CFAP54: variants seen among roughly 807,000 people sequenced by gnomAD.
The protein encoded by CFAP54 is cilia and flagella associated protein 54, also known as cilia- and flagella-associated protein 54.
Under a neutral mutation model 370.4 loss-of-function variants are expected in CFAP54, and 290 were observed. The ratio of observed to expected loss-of-function variants is 0.78; its 90% CI spans 0.71 to 0.86. The LOEUF is 0.86. Among genes scored for constraint, CFAP54 ranks in the 40% least tolerant of loss-of-function variants. The pLI is 0.00. For missense variants in CFAP54, 3,399 were observed against 3,528.7 expected (o/e 0.96, Z 0.93); for synonymous variants, 1,206 against 1,236.5 (o/e 0.98, Z 0.52).
chr12:96,716,880 A>T (rs1214819570), intron 48 of CFAP54, among the ~76,000 whole-genome samples: 1 of 152,180 alleles, frequency 6.6e-6, no homozygotes, highest in Non-Finnish European at 1.5e-5. Context: ...AGTGAACATG[A>T]TTAGTCTGAA....
At chr12:96,741,455 G>A (rs551392372) in intron 51 of CFAP54, among the ~76,000 whole-genome samples, 8 of 152,206 alleles carry the variant, frequency 5.3e-5, no homozygotes, top group African/African-American at 1.2e-4. Context: ...GAGCCACCGC[G>A]CCGCGCATGT....
At chr12:96,530,706 G>T (rs535555341) in intron 9 of CFAP54, among the ~76,000 whole-genome samples, 1 of 152,304 alleles carries the variant, frequency 6.6e-6, no homozygotes, top group African/African-American at 2.4e-5. Flanking sequence ...CAGTGCAATT[G>T]CTGGATTGGA....
At chr12:96,651,913 A>G in intron 36 of CFAP54, 98 bp downstream of exon 36, 1 of 766,032 alleles carries the variant, frequency 1.3e-6, no homozygotes, top group South Asian at 2.0e-5. Context: ...TTTATTTCTC[A>G]TTTGGTTTGT....
intron 50 of CFAP54, among the ~76,000 whole-genome samples, chr12:96,729,743 CT>C (rs1457525455): frequency 1.3e-5 from 2 of 152,204 alleles, no homozygotes; most frequent in Non-Finnish European, 2.9e-5. Context: ...AACCCGGTAC[CT>C]CAGATGGAAA....
At chr12:96,650,686 C>G (rs1349769393) in intron 35 of CFAP54, among the ~76,000 whole-genome samples, 2 of 152,242 alleles carry the variant, frequency 1.3e-5, no homozygotes, top group African/African-American at 4.8e-5. Flanking sequence ...ATACTTTAAA[C>G]TCCTCAAGAG....
intron 9 of CFAP54, among the ~76,000 whole-genome samples, chr12:96,530,935 T>G (rs1041109130): frequency 1.3e-5 from 2 of 152,212 alleles, no homozygotes; most frequent in Admixed American, 1.3e-4. Context: ...CTAAAGATGT[T>G]AAACAGTTTT....
chr12:96,619,477 A>G (rs1237492559), intron 26 of CFAP54, among the ~76,000 whole-genome samples: 3 of 151,876 alleles, frequency 2.0e-5, no homozygotes, highest in Non-Finnish European at 4.4e-5. Flanking sequence ...AAGCATCAGT[A>G]TTTTTTTTCT....
At chr12:96,534,536 A>G (rs1004393521) in intron 11 of CFAP54, among the ~76,000 whole-genome samples, 1 of 152,166 alleles carries the variant, frequency 6.6e-6, no homozygotes, top group Non-Finnish European at 1.5e-5. Flanking sequence ...GCTTAGTTGG[A>G]TAAGAGGGAG....
At chr12:96,817,135 G>A (rs1413613864) in intron 64 of CFAP54, among the ~76,000 whole-genome samples, 1 of 152,094 alleles carries the variant, frequency 6.6e-6, no homozygotes, top group Non-Finnish European at 1.5e-5. Flanking sequence ...TTTTGCTTTT[G>A]CCTAGATTTT....
chr12:96,753,704 A>T, intron 55 of CFAP54, 39 bp from the exon 56 acceptor site: 1 of 1,594,520 alleles, frequency 6.3e-7, no homozygotes, highest in Non-Finnish European at 8.6e-7. Context: ...AACACCGTGT[A>T]TTTTTTTGTT....
chr12:96,800,904 C>T (rs1277490228), intron 63 of CFAP54, among the ~76,000 whole-genome samples: 1 of 152,170 alleles, frequency 6.6e-6, no homozygotes, highest in African/African-American at 2.4e-5. Flanking sequence ...AGCAATCTGA[C>T]TCCAGAGTCT....
chr12:96,803,532 G>A (rs142691535), intron 63 of CFAP54, among the ~76,000 whole-genome samples: 5 of 152,048 alleles, frequency 3.3e-5, no homozygotes, highest in East Asian at 1.9e-4. Context: ...GTCTGGAGGC[G>A]GCTTAGTTTG....
chr12:96,558,031 G>A (rs1016967855), intron 17 of CFAP54, among the ~76,000 whole-genome samples: 3 of 152,210 alleles, frequency 2.0e-5, no homozygotes, highest in African/African-American at 7.2e-5. Flanking sequence ...GTTTAGGACA[G>A]TGGTTCCTTT....
intron 22 of CFAP54, among the ~76,000 whole-genome samples, chr12:96,586,865 G>A (rs79709700): frequency 0.024 from 3,642 of 152,274 alleles, 114 homozygotes; most frequent in African/African-American, 0.067. Context: ...GAAATAGAAC[G>A]TAAGGGGGTA....
intron 39 of CFAP54, among the ~76,000 whole-genome samples, chr12:96,671,309 T>G (rs762451664): frequency 2.0e-5 from 3 of 152,182 alleles, no homozygotes; most frequent in Non-Finnish European, 4.4e-5. Flanking sequence ...GCCTGCTTCC[T>G]CCCAATTCCC....
At position 96,596,816 on chromosome 12, in the gene CFAP54, A is replaced by G. The variant is rs745721501; in HGVS notation, c.3517-1829A>G. Among the ~76,000 whole-genome samples, 3 of 152,242 alleles carry G rather than the reference A, an allele frequency of 2.0e-5. No homozygotes were observed. In the South Asian group the frequency reaches 6.2e-4, roughly 32 times the overall value. On this transcript the variant is annotated intron_variant, in intron 25 of 67. Transcript: ENST00000524981. ...AAGTATATATACATGTATAACAAAA[A>G]GTCTTACAAACTGACAATAACCTAA...
At chr12:96,815,325 A>G (rs1958964260) in intron 64 of CFAP54, among the ~76,000 whole-genome samples, 1 of 144,184 alleles carries the variant, frequency 6.9e-6, no homozygotes, top group Admixed American at 6.7e-5. Flanking sequence ...GCTTTTTTTC[A>G]TATGTTTGTT....
At chr12:96,824,634 G>A (rs370673919) in intron 65 of CFAP54, among the ~76,000 whole-genome samples, 1 of 152,088 alleles carries the variant, frequency 6.6e-6, no homozygotes, top group Admixed American at 6.5e-5. Context: ...GAGGACACTG[G>A]TGTACCCTGA....
At chr12:96,768,187 G>C (rs373762920) in intron 60 of CFAP54, among the ~76,000 whole-genome samples, 15 of 152,090 alleles carry the variant, frequency 9.9e-5, no homozygotes, top group East Asian at 1.9e-4. Context: ...CGGGTGTGCT[G>C]CTGCACACCT....
Sources: allele counts gnomAD v4.1 joint callset (sites outside exome capture counted in the v4.1 genomes callset), GRCh38; gene constraint gnomAD v4.1.1; transcripts MANE v1.5; gene names NCBI Gene and HGNC (gene_info 2026-07-23, HGNC 2026-07-21).